Variants in PRRT4 observed in about 807,000 individuals in gnomAD.
PRRT4 encodes the protein proline-rich transmembrane protein 4.
Under a neutral mutation model 55.6 loss-of-function variants are expected in PRRT4, and 59 were observed. That is an observed-to-expected ratio of 1.06 (90% CI 0.86 to 1.32). The LOEUF is 1.32. Among genes scored for constraint, PRRT4 ranks in the 40% most tolerant of loss-of-function variants. PRRT4 has a pLI of 0.00. For missense variants in PRRT4, 1,217 were observed against 1,222.0 expected (o/e 1.00, Z 0.06); for synonymous variants, 606 against 601.8 (o/e 1.01, Z -0.10).
exon 5 of PRRT4, chr7:128,351,773 A>G: frequency 1.4e-6 from 2 of 1,437,456 alleles, no homozygotes; most frequent in Non-Finnish European, 1.8e-6. Context: ...CACCAGGGCC[A>G]GGGCCCTTCC....
exon 5 of PRRT4, chr7:128,352,441 G>T: frequency 6.5e-7 from 1 of 1,537,826 alleles, no homozygotes; most frequent in Non-Finnish European, 8.7e-7. Context: ...GCCGAAGAGC[G>T]CGCCTACCCC....
exon 2 of PRRT4, chr7:128,359,984 C>G: frequency 1.5e-6 from 2 of 1,319,962 alleles, no homozygotes; most frequent in Non-Finnish European, 1.9e-6. Context: ...ACAGCCATGC[C>G]TGGCCATGGC....
At chr7:128,351,538 T>C (rs1329408993) in exon 5 of PRRT4, 1 of 1,482,988 alleles carries the variant, frequency 6.7e-7, no homozygotes, top group Non-Finnish European at 8.9e-7. Flanking sequence ...CTGCAGCAGC[T>C]CCGCGTCCCC....
At chr7:128,351,607 G>C (rs751858893) in exon 5 of PRRT4, 2 of 1,507,044 alleles carry the variant, frequency 1.3e-6, no homozygotes, top group South Asian at 2.5e-5. Flanking sequence ...CCAGCCTCCC[G>C]GCAGCAGCGG....
chr7:128,352,302 G>A, exon 5 of PRRT4: 1 of 1,543,116 alleles, frequency 6.5e-7, no homozygotes, highest in Non-Finnish European at 8.7e-7. Flanking sequence ...AGGCGTCGTA[G>A]AAGAGCGGGA....
At chr7:128,353,151 T>C (rs948893294) in intron 4 of PRRT4, among the ~76,000 whole-genome samples, 1 of 152,048 alleles carries the variant, frequency 6.6e-6, no homozygotes, top group African/African-American at 2.4e-5. Context: ...CAGATATTCA[T>C]TGACTAAATG....
At chr7:128,360,424 G>A (rs1335507885) in intron 1 of PRRT4, among the ~76,000 whole-genome samples, 3 of 152,148 alleles carry the variant, frequency 2.0e-5, no homozygotes, top group African/African-American at 2.4e-5. Flanking sequence ...CAGGCTTACC[G>A]TTTGCCAAGC....
chr7:128,356,652 G>A (rs971318026), intron 4 of PRRT4, among the ~76,000 whole-genome samples: 9 of 152,364 alleles, frequency 5.9e-5, no homozygotes, highest in South Asian at 2.1e-4. Flanking sequence ...AGGAGGAGAG[G>A]AGATATCAAT....
At chr7:128,352,437 G>C (rs924796973) in exon 5 of PRRT4, 28 of 1,537,666 alleles carry the variant, frequency 1.8e-5, no homozygotes, top group Non-Finnish European at 1.5e-5. Context: ...CCAGGCCGAA[G>C]AGCGCGCCTA....
rs894531332 is a variant in PRRT4 at position 128,351,954 on chromosome 7, G to A, written c.1602C>T (p.Gly534=). ...GCGGCAGGGGTGTGGCGCCCTTGAA[G>A]CCCGACCCTCCCAGGGGCGCCCCGG... Residue 534 remains glycine, a synonymous_variant, in exon 5 of 5, where the codon GGC becomes GGT. Transcript: ENST00000535159. The A allele has an allele frequency of 2.2e-5, 28 of 1,297,064 alleles. No homozygotes were observed. The African/African-American group carries it at 3.1e-4, about 14-fold the overall frequency. The allele number at this position is 1,297,064 out of a possible 1,614,324, so 80.3% of individuals were successfully genotyped here. A position where few individuals can be genotyped will look rare whatever the true frequency, so the allele number is the denominator to read the frequency against.
At position 128,351,854 on chromosome 7, in the gene PRRT4, C is replaced by G. The variant is rs1030703228; in HGVS notation, c.1702G>C (p.Gly568Arg). The stretch of plus-strand genomic sequence containing the variant: ...CCCTGCAGGGCTCCGCTCAGCAGCC[C>G]GAAGGTGCCCGCCACCGGGGCCGTG... Residue 568 changes from glycine (G) to arginine (R), a missense_variant, in exon 5 of 5, where the codon GGG (glycine) becomes CGG (arginine). Gly to Arg is a moderately radical substitution (Grantham distance 125, BLOSUM62 -2). Around this residue, in one of 3 missense-constraint regions of PRRT4, gnomAD observed 642 missense variants for 600.9 expected, o/e 1.07. Transcript: ENST00000535159. 13 of 1,346,110 alleles carry G rather than the reference C, an allele frequency of 9.7e-6. No homozygotes were observed. In the Middle Eastern group the frequency reaches 1.1e-3, roughly 111 times the overall value. 83.4% of individuals were successfully genotyped at this position (1,346,110 alleles called of 1,614,324 possible). A position where few individuals can be genotyped will look rare whatever the true frequency, so the allele number is the denominator to read the frequency against.
At chr7:128,350,986 G>A (rs1442676939) in exon 5 of PRRT4, 1 of 1,550,904 alleles carries the variant, frequency 6.4e-7, no homozygotes, top group Admixed American at 2.0e-5. Flanking sequence ...GCGAGAGGGT[G>A]GGGACAGGGC....
exon 5 of PRRT4, chr7:128,352,560 G>A (rs1193124234): frequency 1.9e-6 from 3 of 1,544,684 alleles, no homozygotes; most frequent in Non-Finnish European, 2.6e-6. Flanking sequence ...GCTGCCCCTC[G>A]CGTTCAGGCA....
chr7:128,352,577 C>G lies in PRRT4; in HGVS notation c.979G>C (p.Gly327Arg), dbSNP rs374134322. ...TGCCCCTCGCGTTCAGGCAATTCTC[C>G]CACGCTGCAGGACCCTGGCCCACAC... is the stretch of plus-strand genomic sequence containing the variant. Residue 327 changes from glycine (G) to arginine (R), a missense_variant, in exon 5 of 5, where the codon GGA becomes CGA. Physicochemically the swap from Gly to Arg is moderately radical, Grantham distance 125. Around this residue, in one of 3 missense-constraint regions of PRRT4, gnomAD observed 564 missense variants for 592.9 expected, o/e 0.95. Transcript: ENST00000535159. The G allele has an allele frequency of 1.2e-5, 19 of 1,544,420 alleles. No individual in the cohort carries two copies. Among genetic ancestry groups the G allele is most frequent in the Non-Finnish European group, 1.6e-5 (18 of 1,146,960 alleles).
intron 4 of PRRT4, among the ~76,000 whole-genome samples, chr7:128,354,563 C>CA (rs66484726): frequency 6.8e-6 from 1 of 147,368 alleles, no homozygotes; most frequent in Admixed American, 6.7e-5. Context: ...GACTCTGGCT[C>CA]AAAAAAAACA....
chr7:128,351,937 G>A (rs938665057), exon 5 of PRRT4: 1 of 1,294,380 alleles, frequency 7.7e-7, no homozygotes, highest in South Asian at 2.4e-5. Context: ...CTGCGGCAGG[G>A]GTGTGGCGCC....
intron 4 of PRRT4, among the ~76,000 whole-genome samples, chr7:128,357,683 A>G (rs1655806443): frequency 6.6e-6 from 1 of 152,228 alleles, no homozygotes; most frequent in African/African-American, 2.4e-5. Flanking sequence ...TGGGGAGACC[A>G]GTGGTTTCCA....
In PRRT4 at chr7:128,355,842, G is replaced by A. The variant is rs1332440539; in HGVS notation, c.877+2839C>T. Among the ~76,000 whole-genome samples the A allele has an allele frequency of 1.3e-5, 2 of 152,180 alleles. 1 individual carries two copies. The highest frequency in any genetic ancestry group is 1.3e-4 in the Admixed American group (2 of 15,282). On this transcript the variant is annotated intron_variant, in intron 4 of 4. Transcript: ENST00000535159. ...CTCTTTATTCACTGTACAGGTAAGTGCAGCTGTCAGAGGTTAGCTCCAATT... is the reference window on the plus strand; with the variant it reads ...CTCTTTATTCACTGTACAGGTAAGTACAGCTGTCAGAGGTTAGCTCCAATT...
chr7:128,350,748 AGAGGTATCT>A (rs1243283235), downstream of PRRT4: 1 of 1,471,146 alleles, frequency 6.8e-7, no homozygotes, highest in Non-Finnish European at 9.1e-7. Flanking sequence ...AGGAATCTGG[AGAGGTATCT>A]GAGCCAGGGA....
Sources: allele counts gnomAD v4.1 joint callset (sites outside exome capture counted in the v4.1 genomes callset), GRCh38; gene constraint gnomAD v4.1.1; regional missense constraint gnomAD v4.1.1; transcripts MANE v1.5; gene names NCBI Gene and HGNC (gene_info 2026-07-23, HGNC 2026-07-21).